IL19: variants seen among roughly 807,000 people sequenced by gnomAD.
IL19 encodes the protein interleukin-19.
Under a neutral mutation model 19.5 loss-of-function variants are expected in IL19, and 15 were observed. That is an observed-to-expected ratio of 0.77 (90% CI 0.52 to 1.19). The LOEUF is 1.19. Ranked by LOEUF, IL19 falls within the 50% of genes most tolerant of loss-of-function variation. The probability of loss-of-function intolerance (pLI) is 0.00; values close to 1 mark genes in which losing one functional copy is unlikely to be tolerated. For synonymous variants in IL19, 78 were observed against 78.3 expected (o/e 1.00, Z 0.02); for missense variants, 199 against 213.1 (o/e 0.93, Z 0.41).
intron 6 of IL19, among the ~76,000 whole-genome samples, chr1:206,842,256 C>T: frequency 6.7e-6 from 1 of 150,038 alleles, no homozygotes; most frequent in African/African-American, 2.4e-5. Context: ...CTGTGAAAAA[C>T]AGAGGAAAAA....
intron 1 of IL19, among the ~76,000 whole-genome samples, chr1:206,798,218 A>G (rs1675575075): frequency 6.6e-6 from 1 of 152,114 alleles, no homozygotes; most frequent in South Asian, 2.1e-4. Flanking sequence ...AGGTGCGATC[A>G]TAGTGCACTG....
At chr1:206,806,572 C>G (rs954391515) in intron 2 of IL19, among the ~76,000 whole-genome samples, 4 of 152,174 alleles carry the variant, frequency 2.6e-5, no homozygotes, top group African/African-American at 9.7e-5. Context: ...TAAATTGTCA[C>G]TCATAACGTA....
At chr1:206,798,067 G>A (rs1675568407) in intron 1 of IL19, among the ~76,000 whole-genome samples, 1 of 152,180 alleles carries the variant, frequency 6.6e-6, no homozygotes, top group Non-Finnish European at 1.5e-5. Context: ...AGTTGAAGGA[G>A]GAAGCATGGC....
At chr1:206,827,669 T>C (rs1572569847) in intron 2 of IL19, among the ~76,000 whole-genome samples, 1 of 147,250 alleles carries the variant, frequency 6.8e-6, no homozygotes, top group Admixed American at 6.8e-5. Context: ...CCAGCCTGGG[T>C]GACAGCGAGA....
At chr1:206,827,256 AT>A (rs1026661590) in intron 2 of IL19, among the ~76,000 whole-genome samples, 3 of 151,720 alleles carry the variant, frequency 2.0e-5, no homozygotes, top group Admixed American at 6.6e-5. Context: ...TAGAAATATT[AT>A]TTTTTTCTGG....
chr1:206,841,200 A>C, intron 6 of IL19, 122 bp downstream of exon 6: 1 of 745,972 alleles, frequency 1.3e-6, no homozygotes, highest in Non-Finnish European at 2.4e-6. Flanking sequence ...CATTGTGGGC[A>C]GGCCTCAATT....
At chr1:206,821,919 G>C (rs1288798062) in intron 2 of IL19, among the ~76,000 whole-genome samples, 3 of 152,222 alleles carry the variant, frequency 2.0e-5, no homozygotes, top group Non-Finnish European at 2.9e-5. Flanking sequence ...GAGGTGTCCA[G>C]GTTCTTCAAG....
chr1:206,823,479 C>T (rs1462859519), intron 2 of IL19, among the ~76,000 whole-genome samples: 5 of 151,446 alleles, frequency 3.3e-5, no homozygotes, highest in African/African-American at 4.8e-5. Flanking sequence ...GGTGTGAACC[C>T]GGGAGGTGGA....
At chr1:206,828,646 TA>T (rs959567547) in intron 2 of IL19, among the ~76,000 whole-genome samples, 1 of 151,816 alleles carries the variant, frequency 6.6e-6, no homozygotes, top group Non-Finnish European at 1.5e-5. Flanking sequence ...AGAGGCACAG[TA>T]AAAAAAAGTA....
In IL19 at chr1:206,826,802, C is replaced by T. The variant is rs927872399; in HGVS notation, c.-2-9859C>T. 1.4e-4 allele frequency among the ~76,000 whole-genome samples: 21 copies of T among 152,210 alleles called. No homozygotes were observed. The South Asian group carries it at 3.7e-3, about 27-fold the overall frequency. ...TCAAGCCATCCTCTATGCCATTTGC[C>T]GTTCTGCTGTTCCTTTGCTTGGAGG... is the stretch of plus-strand genomic sequence containing the variant. On this transcript the variant is annotated intron_variant, in intron 2 of 6. Coordinates refer to ENST00000659997, the MANE Select transcript of IL19 (RefSeq NM_153758.5).
intron 1 of IL19, among the ~76,000 whole-genome samples, chr1:206,774,737 G>A (rs1371984303): frequency 6.6e-6 from 1 of 152,110 alleles, no homozygotes; most frequent in East Asian, 1.9e-4. Flanking sequence ...TGCGTACTTG[G>A]TACTTAGCAC....
chr1:206,774,140 G>C (rs1674933061), intron 1 of IL19, among the ~76,000 whole-genome samples: 4 of 152,250 alleles, frequency 2.6e-5, no homozygotes, highest in Non-Finnish European at 1.5e-5. Flanking sequence ...AGCGTGAAGT[G>C]AGTGGGAGGG....
At chr1:206,823,416 G>T (rs952400747) in intron 2 of IL19, among the ~76,000 whole-genome samples, 1 of 151,814 alleles carries the variant, frequency 6.6e-6, no homozygotes, top group African/African-American at 2.4e-5. Context: ...TTAGCTGGGC[G>T]TGGTGGCGTG....
At chr1:206,786,411 G>T (rs558931446) in intron 1 of IL19, among the ~76,000 whole-genome samples, 1 of 152,238 alleles carries the variant, frequency 6.6e-6, no homozygotes, top group East Asian at 1.9e-4. Flanking sequence ...AAAGATTGGT[G>T]CAAGTGGAGG....
intron 4 of IL19, among the ~76,000 whole-genome samples, chr1:206,838,517 C>T (rs1355429354): frequency 6.6e-6 from 1 of 152,188 alleles, no homozygotes; most frequent in Non-Finnish European, 1.5e-5. Context: ...GAAGATATGA[C>T]AGCTAGAAGG....
rs972235164 is a variant in IL19 at position 206,793,105 on chromosome 1, G to C, written c.-148-5756G>C. On this transcript the variant is annotated intron_variant, in intron 1 of 6. Coordinates refer to ENST00000659997, the MANE Select transcript of IL19 (RefSeq NM_153758.5). The stretch of plus-strand genomic sequence containing the variant: ...TGCATCTGAGTGCATGAATGCGCTT[G>C]TGGGACACCCACGCAAGCCACTGAC... 9.2e-5 allele frequency among the ~76,000 whole-genome samples: 14 copies of C among 152,342 alleles called. 1 individual carries two copies. Among genetic ancestry groups the C allele is most frequent in the African/African-American group, 3.1e-4 (13 of 41,578 alleles).
intron 2 of IL19, among the ~76,000 whole-genome samples, chr1:206,813,341 T>C (rs994444053): frequency 1.3e-5 from 2 of 152,228 alleles, no homozygotes; most frequent in African/African-American, 2.4e-5. Context: ...CTGTGAGTGT[T>C]ACCCCAGAGA....
At chr1:206,798,461 A>C (rs2102459081) in intron 1 of IL19, among the ~76,000 whole-genome samples, 1 of 152,266 alleles carries the variant, frequency 6.6e-6, no homozygotes, top group South Asian at 2.1e-4. Flanking sequence ...CCCACCCCCA[A>C]GTCAATTTCC....
intron 6 of IL19, among the ~76,000 whole-genome samples, chr1:206,842,221 G>T (rs950773380): frequency 1.3e-5 from 2 of 151,966 alleles, no homozygotes; most frequent in African/African-American, 4.8e-5. Flanking sequence ...CAGCGGAACT[G>T]GCCAGTAAGG....
Sources: gnomAD v4.1 joint callset for allele counts (sites outside exome capture counted in the v4.1 genomes callset) on GRCh38, gnomAD v4.1.1 for gene constraint, MANE v1.5 for transcripts, NCBI Gene and HGNC (gene_info 2026-07-23, HGNC 2026-07-21) for gene names.